Variants in KHDRBS2 observed in about 807,000 individuals in gnomAD.
KHDRBS2 encodes KH domain-containing, RNA-binding, signal transduction-associated protein 2.
KHDRBS2 carries 26 observed loss-of-function variants against 44.3 expected under a neutral mutation model. That is an observed-to-expected ratio of 0.59 (90% confidence interval 0.43 to 0.81). The LOEUF (loss-of-function observed/expected upper bound fraction) is 0.81. Among genes scored for constraint, KHDRBS2 ranks in the 40% least tolerant of loss-of-function variants. KHDRBS2 has a pLI of 0.00. For synonymous variants in KHDRBS2, 194 were observed against 151.1 expected (o/e 1.28, Z -2.08); for missense variants, 476 against 433.1 (o/e 1.10, Z -0.88).
chr6:62,188,385 G>GT (rs1297511870), intron 1 of KHDRBS2, among the ~76,000 whole-genome samples: 4 of 152,116 alleles, frequency 2.6e-5, no homozygotes, highest in Admixed American at 6.5e-5. Context: ...GATATCAGAT[G>GT]TAAGTGGAAT....
intron 4 of KHDRBS2, among the ~76,000 whole-genome samples, chr6:61,934,885 T>C (rs1172297889): frequency 4.6e-5 from 7 of 152,130 alleles, no homozygotes; most frequent in Non-Finnish European, 1.0e-4. Flanking sequence ...AGTAAACCCA[T>C]GGGATTTCTT....
At chr6:62,093,221 A>G (rs1346319942) in intron 2 of KHDRBS2, among the ~76,000 whole-genome samples, 1 of 151,144 alleles carries the variant, frequency 6.6e-6, no homozygotes, top group Non-Finnish European at 1.5e-5. Context: ...ACCTTAGATA[A>G]AGTAAAAAAA....
the KHDRBS2 span, among the ~76,000 whole-genome samples, chr6:61,642,137 T>C: frequency 1.3e-5 from 2 of 152,170 alleles, no homozygotes; most frequent in Non-Finnish European, 2.9e-5. Context: ...CAGTTCCTAT[T>C]CCCTACTTCT....
rs1204234360 is a variant in KHDRBS2 at position 62,145,819 on chromosome 6, T to C, written c.219+31366A>G. Among the ~76,000 whole-genome samples the C allele has an allele frequency of 2.0e-5, 3 of 151,880 alleles. No individual in the cohort carries two copies. In the East Asian group the frequency reaches 5.8e-4, roughly 29 times the overall value. On this transcript the variant is annotated intron_variant, in intron 2 of 8. Transcript: ENST00000281156. The stretch of plus-strand genomic sequence containing the variant: ...CACCACAAATGGAAAATTGTACACA[T>C]AATCACCTAACACAAATTTTGTTTC...
At chr6:62,234,034 T>C (rs1211020611) in intron 1 of KHDRBS2, among the ~76,000 whole-genome samples, 3 of 152,046 alleles carry the variant, frequency 2.0e-5, no homozygotes, top group Non-Finnish European at 4.4e-5. Context: ...ATGGTATTTC[T>C]GTTTAAAAAA....
chr6:61,578,435 T>C, the KHDRBS2 span, among the ~76,000 whole-genome samples: 1 of 152,146 alleles, frequency 6.6e-6, no homozygotes, highest in Non-Finnish European at 1.5e-5. Flanking sequence ...ATCCCGGACT[T>C]TTATAGAATG....
At chr6:62,248,328 C>T (rs1258689968) in intron 1 of KHDRBS2, among the ~76,000 whole-genome samples, 4 of 150,326 alleles carry the variant, frequency 2.7e-5, no homozygotes, top group Non-Finnish European at 5.9e-5. Flanking sequence ...ACATCTAATC[C>T]AGTTTCAATA....
rs1158145132 is a variant in KHDRBS2 at position 61,945,199 on chromosome 6, TTAA to T, written c.483+32864_483+32866del. ...GTTTATTTTTAATAGTAAGATTTTATTAATGATTAAAAATTTAAAAACTCTCAT... is the reference window on the plus strand; with the variant it reads ...GTTTATTTTTAATAGTAAGATTTTATTGATTAAAAATTTAAAAACTCTCAT... On this transcript the variant is annotated intron_variant, in intron 4 of 8. Transcript: ENST00000281156. Among the ~76,000 whole-genome samples the T allele has an allele frequency of 2.6e-3, 304 of 118,094 alleles. 3 individuals are homozygous for T. Among genetic ancestry groups the T allele is most frequent in the African/African-American group, 8.5e-3 (287 of 33,842 alleles). The allele number at this position is 118,094 out of a possible 152,430, so 77.5% of individuals were successfully genotyped here.
chr6:61,688,960 G>A (rs742782), intron 8 of KHDRBS2, among the ~76,000 whole-genome samples: 53,590 of 151,534 alleles, frequency 0.35, 10,270 homozygotes, highest in East Asian at 0.48. Context: ...TGGTCATGCC[G>A]GGAAGACTAA....
chr6:61,948,435 G>C (rs983912106), intron 4 of KHDRBS2, among the ~76,000 whole-genome samples: 4 of 151,806 alleles, frequency 2.6e-5, no homozygotes, highest in Middle Eastern at 3.2e-3. Flanking sequence ...TTGCCATTGG[G>C]TAGTCATTTC....
intron 7 of KHDRBS2, among the ~76,000 whole-genome samples, chr6:61,717,852 A>C (rs1771706981): frequency 1.3e-5 from 2 of 152,038 alleles, no homozygotes; most frequent in African/African-American, 4.8e-5. Flanking sequence ...TTCTTATATT[A>C]AATGCATATT....
chr6:61,940,950 A>C (rs1018532943), intron 4 of KHDRBS2, among the ~76,000 whole-genome samples: 1 of 152,202 alleles, frequency 6.6e-6, no homozygotes, highest in Admixed American at 6.5e-5. Flanking sequence ...CACCAAAAAC[A>C]GCACTGCCTT....
chr6:61,735,503 A>C (rs775408312), intron 6 of KHDRBS2, among the ~76,000 whole-genome samples: 7 of 152,160 alleles, frequency 4.6e-5, no homozygotes, highest in Non-Finnish European at 8.8e-5. Context: ...TTTTTCAAAA[A>C]TCAGAACCCA....
chr6:61,756,992 T>C (rs1426345184), intron 6 of KHDRBS2, among the ~76,000 whole-genome samples: 2 of 152,238 alleles, frequency 1.3e-5, no homozygotes, highest in Non-Finnish European at 2.9e-5. Flanking sequence ...TACAGTTACC[T>C]GCTTTAACTC....
chr6:61,807,786 A>G (rs1377951567), intron 6 of KHDRBS2, among the ~76,000 whole-genome samples: 1 of 152,086 alleles, frequency 6.6e-6, no homozygotes, highest in Non-Finnish European at 1.5e-5. Context: ...CAGTTTATCT[A>G]TGTAACAAAG....
chr6:61,914,244 A>G (rs1583480884), intron 4 of KHDRBS2, among the ~76,000 whole-genome samples: 1 of 149,830 alleles, frequency 6.7e-6, no homozygotes, highest in Non-Finnish European at 1.5e-5. Flanking sequence ...GCAAATAATG[A>G]AAAAAAAATG....
chr6:61,645,428 C>G, the KHDRBS2 span, among the ~76,000 whole-genome samples: 1 of 150,518 alleles, frequency 6.6e-6, no homozygotes, highest in East Asian at 1.9e-4. Flanking sequence ...GATGAATGTA[C>G]CTACATAAGA....
At chr6:61,786,018 C>T (rs1309916834) in intron 6 of KHDRBS2, among the ~76,000 whole-genome samples, 1 of 152,018 alleles carries the variant, frequency 6.6e-6, no homozygotes, top group Non-Finnish European at 1.5e-5. Flanking sequence ...GGCACAGAGT[C>T]TTTCTCATTC....
chr6:61,771,890 T>C (rs1780978598), intron 6 of KHDRBS2, among the ~76,000 whole-genome samples: 1 of 152,172 alleles, frequency 6.6e-6, no homozygotes, highest in South Asian at 2.1e-4. Context: ...ATACATTCTT[T>C]TCAGCACCAC....
Sources: gnomAD v4.1 joint callset for allele counts (sites outside exome capture counted in the v4.1 genomes callset) on GRCh38, gnomAD v4.1.1 for gene constraint, MANE v1.5 for transcripts, NCBI Gene and HGNC (gene_info 2026-07-23, HGNC 2026-07-21) for gene names.